Variants in DNAH6 observed in about 807,000 individuals in gnomAD.
The protein encoded by DNAH6 is axonemal beta dynein heavy chain 6.
Under a neutral mutation model 491.4 loss-of-function variants are expected in DNAH6, and 340 were observed. That is an observed-to-expected ratio of 0.69 (90% confidence interval 0.63 to 0.76). The LOEUF is 0.76. Among genes scored for constraint, DNAH6 ranks in the 30% least tolerant of loss-of-function variants. The pLI is 0.00. For missense variants in DNAH6, 4,443 were observed against 4,972.2 expected, an observed-to-expected ratio of 0.89 and a Z score of 3.20; for synonymous variants, 1,603 against 1,686.1, an observed-to-expected ratio of 0.95 and a Z score of 1.21.
intron 29 of DNAH6, among the ~76,000 whole-genome samples, chr2:84,631,538 C>G (rs556226675): frequency 6.6e-6 from 1 of 152,268 alleles, no homozygotes; most frequent in East Asian, 1.9e-4. Flanking sequence ...TCTACAGGCC[C>G]TAATCCAATA....
At chr2:84,670,720 C>G (rs540350630) in intron 39 of DNAH6, among the ~76,000 whole-genome samples, 1 of 152,336 alleles carries the variant, frequency 6.6e-6, no homozygotes. Context: ...CCATGGCTCT[C>G]CCTCTCTCCA....
chr2:84,670,729 C>T (rs1266644298), intron 39 of DNAH6, among the ~76,000 whole-genome samples: 1 of 152,228 alleles, frequency 6.6e-6, no homozygotes, highest in Non-Finnish European at 1.5e-5. Context: ...TCCCTCTCTC[C>T]ACCCAGGTTC....
At chr2:84,502,930 A>G in the DNAH6 span, among the ~76,000 whole-genome samples, 1 of 152,100 alleles carries the variant, frequency 6.6e-6, no homozygotes. Context: ...TCAATGGGTC[A>G]TGTTTTTCCT....
intron 45 of DNAH6, among the ~76,000 whole-genome samples, chr2:84,691,879 A>G (rs1292938874): frequency 1.3e-5 from 2 of 152,278 alleles, no homozygotes; most frequent in African/African-American, 4.8e-5. Flanking sequence ...CCCACAGGCC[A>G]TAGTTTGCTG....
At chr2:84,817,552 G>A (rs566289403) in intron 76 of DNAH6, among the ~76,000 whole-genome samples, 1 of 151,982 alleles carries the variant, frequency 6.6e-6, no homozygotes, top group Non-Finnish European at 1.5e-5. Context: ...AGGATCACTT[G>A]AGCCCAAGAG....
At chr2:84,698,312 C>T (rs926030114) in intron 47 of DNAH6, among the ~76,000 whole-genome samples, 1 of 152,076 alleles carries the variant, frequency 6.6e-6, no homozygotes, top group East Asian at 1.9e-4. Flanking sequence ...CCTGCTAGGT[C>T]GGAGATTATA....
Position 84,544,246 on chromosome 2 carries a change from G to A in DNAH6, c.676G>A (p.Glu226Lys), listed in dbSNP as rs1678550997. 1 of 1,461,360 alleles carries A rather than the reference G, an allele frequency of 6.8e-7. No individual in the cohort carries two copies. Among genetic ancestry groups the A allele is most frequent in the Non-Finnish European group, 9.3e-7 (1 of 1,072,514 alleles). 90.5% of individuals were successfully genotyped at this position (1,461,360 alleles called of 1,614,324 possible). ...ATTTGTTTATAGAGTTGTAAGTTAT[G>A]AGAACATCAATAAAAATGACTACTA... ...DTYNLKVVSY[E>K]NINKNDYYTI... is the part of the protein sequence containing the mutation. The change falls in exon 5 of 77, where the codon GAG (glutamate) becomes AAG (lysine). Residue 226 changes from glutamate (E) to lysine (K), a missense_variant. By Grantham distance (56) the Glu-to-Lys change is moderately conservative. This residue lies in a region of DNAH6 where 2,977 missense variants were observed against 3,296.6 expected (regional missense o/e 0.90). Transcript: ENST00000389394.
chr2:84,650,274 A>T (rs977963138), intron 33 of DNAH6, among the ~76,000 whole-genome samples: 4 of 152,134 alleles, frequency 2.6e-5, no homozygotes, highest in Non-Finnish European at 5.9e-5. Context: ...GACTCCAGTG[A>T]CACAAATATT....
At chr2:84,645,917 T>A (rs138667253) in intron 33 of DNAH6, among the ~76,000 whole-genome samples, 3,321 of 152,326 alleles carry the variant, frequency 0.022, 51 homozygotes, top group Middle Eastern at 0.095. Flanking sequence ...TGTATGTGAC[T>A]GTCTGTGTCT....
intron 70 of DNAH6, among the ~76,000 whole-genome samples, chr2:84,802,358 G>C (rs1482905125): frequency 6.6e-6 from 1 of 152,074 alleles, no homozygotes; most frequent in African/African-American, 2.4e-5. Flanking sequence ...GTAAAGGGTG[G>C]AAAAAGATCT....
intron 4 of DNAH6, among the ~76,000 whole-genome samples, chr2:84,533,581 A>G (rs1677385524): frequency 6.6e-6 from 1 of 152,146 alleles, no homozygotes; most frequent in South Asian, 2.1e-4. Context: ...CCAGCATCTT[A>G]TGATTTTACT....
intron 63 of DNAH6, among the ~76,000 whole-genome samples, chr2:84,757,199 T>A (rs1169301453): frequency 6.6e-6 from 1 of 152,138 alleles, no homozygotes; most frequent in Non-Finnish European, 1.5e-5. Context: ...CAGGGAGAAG[T>A]TGATCAGTTC....
chr2:84,744,109 C>T (rs1331469086), intron 62 of DNAH6, among the ~76,000 whole-genome samples: 3 of 152,136 alleles, frequency 2.0e-5, no homozygotes, highest in Non-Finnish European at 4.4e-5. Context: ...ATGAACACTA[C>T]CCCAAGGCCA....
chr2:84,813,850 G>C (rs767674307), intron 74 of DNAH6, 121 bp from the exon 75 acceptor site: 38 of 957,296 alleles, frequency 4.0e-5, no homozygotes, highest in Non-Finnish European at 5.8e-5. Flanking sequence ...TTAAGAGTTG[G>C]GTCTTCTCTG....
At chr2:84,673,667 C>T (rs541138396) in intron 40 of DNAH6, among the ~76,000 whole-genome samples, 2 of 152,250 alleles carry the variant, frequency 1.3e-5, no homozygotes, top group East Asian at 3.9e-4. Context: ...ACTTGGAGTC[C>T]GATGTTCAAG....
chr2:84,755,587 C>T (rs1304018465), intron 63 of DNAH6, among the ~76,000 whole-genome samples: 1 of 152,012 alleles, frequency 6.6e-6, no homozygotes, highest in Non-Finnish European at 1.5e-5. Flanking sequence ...AATCATGTCA[C>T]CTTCAAATAA....
At chr2:84,532,595 A>G (rs1005300609) in intron 4 of DNAH6, among the ~76,000 whole-genome samples, 32 of 152,166 alleles carry the variant, frequency 2.1e-4, no homozygotes, top group African/African-American at 7.7e-4. Context: ...AATGTGGTGA[A>G]GCTGTGGAAG....
chr2:84,746,902 A>C (rs1338271091), intron 63 of DNAH6, among the ~76,000 whole-genome samples: 1 of 152,174 alleles, frequency 6.6e-6, no homozygotes, highest in Non-Finnish European at 1.5e-5. Flanking sequence ...GGAAGCAAGA[A>C]AGAGGGGAGG....
chr2:84,603,199 A>G (rs926867113), intron 18 of DNAH6, among the ~76,000 whole-genome samples: 1 of 152,058 alleles, frequency 6.6e-6, no homozygotes, highest in African/African-American at 2.4e-5. Context: ...TACAGTAAAT[A>G]CCAAAGCAAA....
Sources: allele counts gnomAD v4.1 joint callset (sites outside exome capture counted in the v4.1 genomes callset), GRCh38; gene constraint gnomAD v4.1.1; regional missense constraint gnomAD v4.1.1; transcripts MANE v1.5; gene names NCBI Gene and HGNC (gene_info 2026-07-23, HGNC 2026-07-21).